Variants in PPFIA1 observed in about 807,000 individuals in gnomAD.
The protein encoded by PPFIA1 is PPFI scaffold protein A1.
PPFIA1 carries 25 observed loss-of-function variants against 149.9 expected under a neutral mutation model. That is an observed-to-expected ratio of 0.17 (90% CI 0.12 to 0.23). The LOEUF (loss-of-function observed/expected upper bound fraction) is 0.23, where lower values mean the gene tolerates loss of function less well. PPFIA1 is among the 10% of genes least tolerant of loss of function. PPFIA1 has a pLI of 1.00. For synonymous variants in PPFIA1, 549 were observed against 552.8 expected (o/e 0.99, Z 0.10); for missense variants, 1,362 against 1,506.5 (o/e 0.90, Z 1.59).
In PPFIA1 at chr11:70,354,288, T is replaced by C. The variant is rs2137330956; in HGVS notation, c.2164-13T>C. The C allele has an allele frequency of 6.2e-7, 1 of 1,607,698 alleles. No individual in the cohort carries two copies. The highest frequency in any genetic ancestry group is 8.5e-7 in the Non-Finnish European group (1 of 1,176,560). On this transcript the variant is annotated splice_polypyrimidine_tract_variant and intron_variant, in intron 16 of 27. Transcript: ENST00000253925. Reference sequence around the variant, plus strand: ...CTGCTGTTAACTAACTTTGCACTTCTCTCACCCCTCAGTTGCCACCTTCCA... The same window carrying C: ...CTGCTGTTAACTAACTTTGCACTTCCCTCACCCCTCAGTTGCCACCTTCCA...
At chr11:70,315,678 GTTTTTTTTTTTT>G (rs71049904) in intron 2 of PPFIA1, among the ~76,000 whole-genome samples, 35 of 73,024 alleles carry the variant, frequency 4.8e-4, no homozygotes, top group African/African-American at 1.5e-3. Context: ...CTTTTTTTCT[GTTTTTTTTTTTT>G]TTTTTTTTTT....
At chr11:70,302,795 CAT>C (rs1481930962) in intron 2 of PPFIA1, among the ~76,000 whole-genome samples, 1 of 144,416 alleles carries the variant, frequency 6.9e-6, no homozygotes, top group East Asian at 2.2e-4. Flanking sequence ...TTTTTAAAGA[CAT>C]GTGATCCCAG....
intron 2 of PPFIA1, among the ~76,000 whole-genome samples, chr11:70,287,789 A>T (rs2051248026): frequency 6.6e-6 from 1 of 151,876 alleles, no homozygotes; most frequent in African/African-American, 2.4e-5. Flanking sequence ...GACCACGTGC[A>T]TGTACCGCCA....
chr11:70,326,543 A>C, intron 6 of PPFIA1, 54 bp from the exon 7 acceptor site: 1 of 1,449,734 alleles, frequency 6.9e-7, no homozygotes, highest in Non-Finnish European at 9.5e-7. Context: ...AAGTATTTTT[A>C]TTTTATAGCT....
rs2054213639 is a variant in PPFIA1, at chr11:70,325,572, G to C, written c.604G>C (p.Glu202Gln). The change falls in exon 5 of 28, where the codon GAG becomes CAG. Residue 202 changes from glutamate (E) to glutamine (Q), a missense_variant and splice_region_variant. Physicochemically the swap from Glu to Gln is conservative, Grantham distance 29. Coordinates refer to ENST00000253925, the MANE Select transcript of PPFIA1 (RefSeq NM_003626.5). Reference sequence around the variant, plus strand: ...AGAGGAATTAGGTGCCACACACAAAGAGGTAAGCTTGAGACTTCATCATGA... The same window carrying C: ...AGAGGAATTAGGTGCCACACACAAACAGGTAAGCTTGAGACTTCATCATGA... ...LEEELGATHKELMILKEQNNQ... is the reference protein window; with the variant it reads ...LEEELGATHKQLMILKEQNNQ... The C allele has an allele frequency of 1.3e-6, 2 of 1,558,008 alleles. No homozygotes were observed. The highest frequency in any genetic ancestry group is 1.8e-6 in the Non-Finnish European group (2 of 1,129,702).
intron 2 of PPFIA1, among the ~76,000 whole-genome samples, chr11:70,286,825 G>A (rs1174326666): frequency 6.7e-6 from 1 of 149,156 alleles, no homozygotes; most frequent in Non-Finnish European, 1.5e-5. Context: ...GGTGTGATCG[G>A]GCTCAAGCAA....
In PPFIA1 at chr11:70,337,353, G is replaced by C; in HGVS notation, c.1429-12G>C. The C allele has an allele frequency of 6.4e-7, 1 of 1,568,516 alleles. No individual in the cohort carries two copies. The highest frequency in any genetic ancestry group is 2.3e-5 in the East Asian group (1 of 43,864). On this transcript the variant is annotated splice_polypyrimidine_tract_variant and intron_variant, in intron 11 of 27. Transcript: ENST00000253925. ...TTAAAGAAACACTAAAGGACTATCT[G>C]TCTTTTTTCAGAACTCTCTTTTAAG...
chr11:70,288,479 ACT>A lies in PPFIA1; in HGVS notation c.264+16046_264+16047del, dbSNP rs573969224. On this transcript the variant is annotated intron_variant, in intron 2 of 27. Coordinates refer to ENST00000253925, the MANE Select transcript of PPFIA1 (RefSeq NM_003626.5). The stretch of plus-strand genomic sequence containing the variant: ...GGTGTGATTGCAGACCTCTCCTTTG[ACT>A]CTTTCTCTGCAATTACTTGTTCCTG... Among the ~76,000 whole-genome samples the A allele has an allele frequency of 2.6e-5, 4 of 151,290 alleles. No individual in the cohort carries two copies. The South Asian group carries it at 8.4e-4, about 32-fold the overall frequency.
At chr11:70,359,776 T>C (rs1024839011) in intron 19 of PPFIA1, among the ~76,000 whole-genome samples, 2 of 152,254 alleles carry the variant, frequency 1.3e-5, no homozygotes, top group Non-Finnish European at 2.9e-5. Context: ...TTTTGCATTA[T>C]AGCATTCTCA....
intron 14 of PPFIA1, among the ~76,000 whole-genome samples, chr11:70,340,189 C>T (rs184081033): frequency 6.6e-6 from 1 of 151,644 alleles, no homozygotes; most frequent in Non-Finnish European, 1.5e-5. Flanking sequence ...TGCCTATAGT[C>T]CCAGCTACTC....
intron 2 of PPFIA1, among the ~76,000 whole-genome samples, chr11:70,302,273 G>C (rs1333628713): frequency 1.3e-5 from 2 of 152,224 alleles, no homozygotes; most frequent in Non-Finnish European, 2.9e-5. Context: ...GCTTCGTAGG[G>C]TGGGGCAGCC....
intron 2 of PPFIA1, among the ~76,000 whole-genome samples, chr11:70,273,742 A>G (rs79818590): frequency 2.0e-5 from 3 of 152,178 alleles, no homozygotes; most frequent in South Asian, 2.1e-4. Flanking sequence ...TCTTATTTCA[A>G]TCTTATAAAT....
chr11:70,372,353 C>A lies in PPFIA1; in HGVS notation c.3004C>A (p.Leu1002Ile). ...RMLDHLTKKD[L>I]RGQLKMVDSF... Reference sequence around the variant, plus strand: ...GCTGGACCACTTGACCAAGAAAGACCTTCGAGGGCAGCTGAAAATGGTCGA... The same window carrying A: ...GCTGGACCACTTGACCAAGAAAGACATTCGAGGGCAGCTGAAAATGGTCGA... Residue 1002 changes from leucine (L) to isoleucine (I), a missense_variant, in exon 22 of 28, where the codon CTT (leucine) becomes ATT (isoleucine). By Grantham distance (5) the Leu-to-Ile change is conservative. Coordinates refer to ENST00000253925, the MANE Select transcript of PPFIA1 (RefSeq NM_003626.5). 1 of 1,614,208 alleles carries A rather than the reference C, an allele frequency of 6.2e-7. No homozygotes were observed. The highest frequency in any genetic ancestry group is 2.2e-5 in the East Asian group (1 of 44,884).
intron 21 of PPFIA1, chr11:70,362,928 A>T (rs952797147): frequency 1.9e-5 from 3 of 156,288 alleles, no homozygotes; most frequent in African/African-American, 7.2e-5. Flanking sequence ...CACCCAGCTG[A>T]GTTTATCAAA....
At position 70,271,993 on chromosome 11, in the gene PPFIA1, AT is replaced by A. The variant is rs1270970271; in HGVS notation, c.1-175del. On this transcript the variant is annotated intron_variant, in intron 1 of 27. Coordinates refer to ENST00000253925, the MANE Select transcript of PPFIA1 (RefSeq NM_003626.5). The stretch of plus-strand genomic sequence containing the variant: ...CTGTGTTAATGTCTTCATGTTGTGT[AT>A]TTTTGCACTTAATATTTGCCCTGTG... 9.7e-6 allele frequency: 7 copies of A among 721,492 alleles called. No individual in the cohort carries two copies. The African/African-American group carries it at 1.1e-4, about 11-fold the overall frequency. 44.7% of individuals were successfully genotyped at this position (721,492 alleles called of 1,614,324 possible).
chr11:70,294,167 C>T (rs1324893864), intron 2 of PPFIA1, among the ~76,000 whole-genome samples: 3 of 152,202 alleles, frequency 2.0e-5, no homozygotes, highest in Non-Finnish European at 4.4e-5. Context: ...GTCTCAAACT[C>T]TTGGCCTCAA....
chr11:70,339,168 C>G lies in PPFIA1; in HGVS notation c.1572-3C>G, dbSNP rs759860414. The G allele has an allele frequency of 6.2e-7, 1 of 1,612,952 alleles. No individual in the cohort carries two copies. Among genetic ancestry groups the G allele is most frequent in the East Asian group, 2.2e-5 (1 of 44,874 alleles). On this transcript the variant is annotated splice_polypyrimidine_tract_variant and splice_region_variant and intron_variant, in intron 13 of 27. Coordinates refer to ENST00000253925, the MANE Select transcript of PPFIA1 (RefSeq NM_003626.5). Reference sequence around the variant, plus strand: ...ATGATCATTCTTATTTTTCATGTTTCAGCCGACCCCACTTGGGCAGTGTCC... The same window carrying G: ...ATGATCATTCTTATTTTTCATGTTTGAGCCGACCCCACTTGGGCAGTGTCC...
At chr11:70,324,631 G>A (rs2054158136) in intron 3 of PPFIA1, 128 bp downstream of exon 3, 3 of 924,074 alleles carry the variant, frequency 3.2e-6, no homozygotes, top group Non-Finnish European at 5.0e-6. Flanking sequence ...TTCCCACTGA[G>A]CAGACTGTGA....
At chr11:70,359,389 CAG>C (rs2135182350) in intron 19 of PPFIA1, among the ~76,000 whole-genome samples, 1 of 152,332 alleles carries the variant, frequency 6.6e-6, no homozygotes, top group Non-Finnish European at 1.5e-5. Context: ...CATCTTTCCT[CAG>C]GACTCTGCCA....
Sources: gnomAD v4.1 joint callset for allele counts (sites outside exome capture counted in the v4.1 genomes callset) on GRCh38, gnomAD v4.1.1 for gene constraint, MANE v1.5 for transcripts, NCBI Gene and HGNC (gene_info 2026-07-23, HGNC 2026-07-21) for gene names.